The following CIITA variants were observed in gnomAD, a reference collection of about 807,000 sequenced individuals.
The protein encoded by CIITA is class II major histocompatibility complex transactivator.
A neutral mutation model predicts 115.1 loss-of-function variants in CIITA; 72 were observed. That is an observed-to-expected ratio of 0.63 (90% CI 0.52 to 0.76). The LOEUF (loss-of-function observed/expected upper bound fraction) is 0.76, where lower values mean the gene tolerates loss of function less well. CIITA is among the 30% of genes least tolerant of loss of function. The pLI is 0.00. For missense variants in CIITA, 1,617 were observed against 1,463.8 expected (o/e 1.10, Z -1.71); for synonymous variants, 763 against 635.6 (o/e 1.20, Z -3.02).
chr16:10,888,488 G>A (rs8043545), intron 1 of CIITA: 1 of 152,076 alleles, frequency 6.6e-6, no homozygotes, highest in Non-Finnish European at 1.5e-5. Flanking sequence ...TTAGAACATT[G>A]TGGCGACACC....
intron 12 of CIITA, 150 bp from the exon 13 acceptor site, chr16:10,910,038 T>A: frequency 1.6e-6 from 1 of 609,872 alleles, no homozygotes; most frequent in Non-Finnish European, 2.9e-6. Flanking sequence ...CCCAGACAGA[T>A]CTTTTTTTTT....
At chr16:10,908,821 C>A in intron 11 of CIITA, 1 of 694,360 alleles carries the variant, frequency 1.4e-6, no homozygotes, top group South Asian at 1.7e-5. Flanking sequence ...GTAGCCGAAG[C>A]AAAAAGGGAA....
chr16:10,898,642 TTGAC>T, intron 3 of CIITA, 24 bp from the exon 4 acceptor site: 1 of 1,594,168 alleles, frequency 6.3e-7, no homozygotes, highest in Non-Finnish European at 8.5e-7. Context: ...ACCTTGTTGA[TTGAC>T]TGCGCTTTTC....
chr16:10,887,737 C>G (rs985665684), intron 1 of CIITA, among the ~76,000 whole-genome samples: 2 of 152,128 alleles, frequency 1.3e-5, no homozygotes, highest in African/African-American at 4.8e-5. Flanking sequence ...TCAAGTAATC[C>G]GCCAGCCTCG....
Position 10,879,087 on chromosome 16 carries a change from GAAT to G in CIITA, c.52+1706_52+1708del, listed in dbSNP as rs2036138676. ...TCTGTAACCCCTAAGGTCGGGCTGA[GAAT>G]CGAGGCTCCGAGACTGTCAGCTACT... On this transcript the variant is annotated intron_variant, in intron 1 of 19. Coordinates refer to ENST00000324288, the MANE Select transcript of CIITA (RefSeq NM_000246.4). This position sits in a 1 kb window ranked among gnomAD's most constrained non-coding sequence, Gnocchi z 4.3. 1 of 195,392 alleles carries G rather than the reference GAAT, an allele frequency of 5.1e-6. No homozygotes were observed. The highest frequency in any genetic ancestry group is 1.9e-4 in the South Asian group (1 of 5,194). 12.1% of individuals were successfully genotyped at this position (195,392 alleles called of 1,614,324 possible).
rs2038712390 is a variant in CIITA at position 10,901,199 on chromosome 16, G to T, written c.437-315G>T. ...GGTTCAGAGAAGCTGCATTGCAAAG[G>T]CACACAGCTAGGAAGCGGTTCAAAA... On this transcript the variant is annotated intron_variant, in intron 5 of 19. Coordinates refer to ENST00000324288, the MANE Select transcript of CIITA (RefSeq NM_000246.4). This position sits in a 1 kb window ranked among gnomAD's most constrained non-coding sequence, Gnocchi z 6.8. Among the ~76,000 whole-genome samples the T allele has an allele frequency of 6.6e-6, 1 of 152,180 alleles. No homozygotes were observed. The highest frequency in any genetic ancestry group is 2.4e-5 in the African/African-American group (1 of 41,442).
At chr16:10,897,214 G>C (rs958462769) in intron 3 of CIITA, among the ~76,000 whole-genome samples, 1 of 152,192 alleles carries the variant, frequency 6.6e-6, no homozygotes, top group African/African-American at 2.4e-5. Context: ...AAGGTTAGGG[G>C]CTGCATCTGG....
intron 1 of CIITA, among the ~76,000 whole-genome samples, chr16:10,870,943 G>C (rs1482857847): frequency 1.3e-5 from 2 of 152,190 alleles, no homozygotes; most frequent in Admixed American, 6.5e-5. Flanking sequence ...ACAATATCTA[G>C]ACACCTACCC....
In CIITA at chr16:10,922,486, C is replaced by T. The variant is rs763039487; in HGVS notation, c.3313C>T (p.Leu1105=). The T allele has an allele frequency of 3.7e-6, 6 of 1,613,890 alleles. No individual in the cohort carries two copies. In the African/African-American group the frequency reaches 6.7e-5, roughly 18 times the overall value. ...TCGGAGGTGTCCTCATGTGGAGACG[C>T]TGGCGTAAGTCCAGGCAACCCTGGT... ...SLRRCPHVET[L]AMWTPTIPFS... is the part of the protein sequence containing the mutation. Residue 1105 remains leucine (L), a synonymous_variant, in exon 18 of 20, where the codon CTG becomes TTG. Coordinates refer to ENST00000324288, the MANE Select transcript of CIITA (RefSeq NM_000246.4).
rs1411042403 is a variant in CIITA at position 10,906,971 on chromosome 16, C to A, written c.1479C>A (p.Arg493=). ...VFSHILKRPD[R]VLLILDGFEE... ...GCCACATCTTGAAGAGACCTGACCG[C>A]GTTCTGCTCATCCTAGACGGCTTCG... The change falls in exon 11 of 20, where the codon CGC becomes CGA. Residue 493 remains arginine (R), a synonymous_variant. Transcript: ENST00000324288. 8 of 1,612,336 alleles carry A rather than the reference C, an allele frequency of 5.0e-6. No individual in the cohort carries two copies. Among genetic ancestry groups the A allele is most frequent in the Non-Finnish European group, 6.8e-6 (8 of 1,179,918 alleles).
downstream of CIITA, chr16:10,936,844 A>G (rs144668570): frequency 1.3e-5 from 2 of 152,326 alleles, no homozygotes; most frequent in African/African-American, 2.4e-5. Context: ...AGGGATAAAG[A>G]GGTCTGCCAC....
At position 10,920,691 on chromosome 16, in the gene CIITA, A is replaced by G. The variant is rs1354472711; in HGVS notation, c.3150-1476A>G. On this transcript the variant is annotated intron_variant, in intron 16 of 19. Transcript: ENST00000324288. This position sits in a 1 kb window ranked among gnomAD's most constrained non-coding sequence, Gnocchi z 4.5. ...ATCTCAATGATATTCAAATGGTGAC[A>G]TATATGTCTTGGCATCGATGAAATA... is the stretch of plus-strand genomic sequence containing the variant. Among the ~76,000 whole-genome samples the G allele has an allele frequency of 1.3e-5, 2 of 152,162 alleles. No homozygotes were observed. Among genetic ancestry groups the G allele is most frequent in the African/African-American group, 4.8e-5 (2 of 41,424 alleles).
intron 1 of CIITA, among the ~76,000 whole-genome samples, chr16:10,870,351 G>T (rs930671300): frequency 6.6e-6 from 1 of 152,170 alleles, no homozygotes; most frequent in African/African-American, 2.4e-5. Flanking sequence ...AGAAAGCCCA[G>T]TTCTGGAGAT....
intron 1 of CIITA, among the ~76,000 whole-genome samples, chr16:10,887,774 C>T (rs1233800381): frequency 2.6e-5 from 4 of 152,136 alleles, no homozygotes; most frequent in African/African-American, 9.7e-5. Context: ...GGATTATAGG[C>T]GTGAGCCACC....
intron 3 of CIITA, among the ~76,000 whole-genome samples, chr16:10,896,359 C>G (rs1450186383): frequency 6.6e-6 from 1 of 152,162 alleles, no homozygotes; most frequent in East Asian, 1.9e-4. Flanking sequence ...TTCAAAGTCT[C>G]CATTTTTAAC....
intron 4 of CIITA, 37 bp downstream of exon 4, chr16:10,898,769 C>T (rs1163439857): frequency 1.2e-6 from 2 of 1,610,482 alleles, no homozygotes; most frequent in Non-Finnish European, 1.7e-6. Context: ...TTGGCTCAGC[C>T]TGCATTTCCT....
rs2038710853 is a variant in CIITA at position 10,901,188 on chromosome 16, G to T, written c.437-326G>T. 6.6e-6 allele frequency among the ~76,000 whole-genome samples: 1 copy of T among 152,200 alleles called. No homozygotes were observed. Among genetic ancestry groups the T allele is most frequent in the Non-Finnish European group, 1.5e-5 (1 of 68,036 alleles). ...GTGAGATCAAAGGTTCAGAGAAGCT[G>T]CATTGCAAAGGCACACAGCTAGGAA... is the stretch of plus-strand genomic sequence containing the variant. On this transcript the variant is annotated intron_variant, in intron 5 of 19. Transcript: ENST00000324288. This position sits in a 1 kb window ranked among gnomAD's most constrained non-coding sequence, Gnocchi z 6.8.
At chr16:10,910,778 G>A (rs1412334214) in intron 13 of CIITA, among the ~76,000 whole-genome samples, 3 of 152,202 alleles carry the variant, frequency 2.0e-5, no homozygotes, top group African/African-American at 7.2e-5. Flanking sequence ...CCCTCCTGTG[G>A]CCAGGAACTG....
At chr16:10,899,051 C>G in intron 5 of CIITA, 49 bp downstream of exon 5, 1 of 1,567,758 alleles carries the variant, frequency 6.4e-7, no homozygotes, top group Non-Finnish European at 8.8e-7. Context: ...GAGACCTGGC[C>G]TTTCCTTGAC....
Sources: gnomAD v4.1 joint callset for allele counts (sites outside exome capture counted in the v4.1 genomes callset) on GRCh38, gnomAD v4.1.1 for gene constraint, Gnocchi (gnomAD v3.1) non-coding constraint, MANE v1.5 for transcripts, NCBI Gene and HGNC (gene_info 2026-07-23, HGNC 2026-07-21) for gene names.